Variants in RGS22 observed in about 807,000 individuals in gnomAD.
RGS22 encodes regulator of G protein signaling 22, also known as regulator of G-protein signaling 22.
A neutral mutation model predicts 172.9 loss-of-function variants in RGS22; 148 were observed. The observed-to-expected ratio is 0.86, with a 90% CI of 0.75 to 0.98. The LOEUF is 0.98. RGS22 is among the 50% of genes least tolerant of loss of function. RGS22 has a pLI of 0.00. For synonymous variants in RGS22, 458 were observed against 480.2 expected, an observed-to-expected ratio of 0.95 and a Z score of 0.60; for missense variants, 1,347 against 1,440.8, an observed-to-expected ratio of 0.93 and a Z score of 1.05.
At position 100,004,056 on chromosome 8, in the gene RGS22, T is replaced by C. The variant is rs1399521780; in HGVS notation, c.2497A>G (p.Asn833Asp). Residue 833 changes from asparagine to aspartate, a missense_variant, in exon 17 of 28, where the codon AAC becomes GAC. Transcript: ENST00000360863. ...EIGTGILSLS[N>D]VSKRTEYWDN... Reference sequence around the variant, plus strand: ...CAATATTCTGTTCGTTTAGAGACGTTAGAGAGTGATAAAATGCCAGTTCCA... The same window carrying C: ...CAATATTCTGTTCGTTTAGAGACGTCAGAGAGTGATAAAATGCCAGTTCCA... 3.7e-6 allele frequency: 6 copies of C among 1,606,200 alleles called. No homozygotes were observed. The highest frequency in any genetic ancestry group is 1.3e-5 in the African/African-American group (1 of 74,676).
At position 100,006,045 on chromosome 8, in the gene RGS22, T is replaced by C. The variant is rs1316931630; in HGVS notation, c.2426A>G (p.His809Arg). ...STYFRKLQAL[H>R]KETFSKKAED... ...AGCTTTCTTGGAAAATGTCTCTTTA[T>C]GCAAAGCCTGTAGCTTTCTGAAGTA... Residue 809 changes from histidine to arginine, a missense_variant, in exon 16 of 28, where the codon CAT (histidine) becomes CGT (arginine). Transcript: ENST00000360863. 6.2e-7 allele frequency: 1 copy of C among 1,613,368 alleles called. No homozygotes were observed. Among genetic ancestry groups the C allele is most frequent in the African/African-American group, 1.3e-5 (1 of 74,910 alleles).
intron 14 of RGS22, among the ~76,000 whole-genome samples, chr8:100,023,287 T>C (rs925897647): frequency 2.6e-5 from 4 of 152,204 alleles, no homozygotes; most frequent in African/African-American, 9.7e-5. Context: ...CATCAAAATC[T>C]TTCAGGCTGA....
chr8:99,985,886 A>G (rs1813040973), intron 21 of RGS22, among the ~76,000 whole-genome samples: 1 of 152,166 alleles, frequency 6.6e-6, no homozygotes, highest in Admixed American at 6.6e-5. Flanking sequence ...TATTCATATT[A>G]GCTTAAAGAT....
At chr8:100,070,726 C>T (rs112085777) in intron 6 of RGS22, among the ~76,000 whole-genome samples, 6 of 150,390 alleles carry the variant, frequency 4.0e-5, no homozygotes, top group East Asian at 2.0e-4. Flanking sequence ...CATAAATCTA[C>T]AAGAATTATT....
chr8:100,054,977 C>T (rs1822096121), intron 9 of RGS22, among the ~76,000 whole-genome samples: 1 of 152,174 alleles, frequency 6.6e-6, no homozygotes, highest in Non-Finnish European at 1.5e-5. Context: ...AGTGTCAGCT[C>T]AGCCACAGTA....
intron 9 of RGS22, among the ~76,000 whole-genome samples, chr8:100,055,134 T>C (rs1822112160): frequency 6.6e-6 from 1 of 152,176 alleles, no homozygotes; most frequent in Non-Finnish European, 1.5e-5. Context: ...CTGCTAATTG[T>C]AGAGCCCAGG....
At chr8:100,089,541 G>A (rs1390395601) in intron 3 of RGS22, among the ~76,000 whole-genome samples, 1 of 152,018 alleles carries the variant, frequency 6.6e-6, no homozygotes, top group Non-Finnish European at 1.5e-5. Context: ...ATTTGACATG[G>A]TTTCCAGAGT....
chr8:100,035,434 C>T (rs1209508168), intron 14 of RGS22, among the ~76,000 whole-genome samples: 1 of 152,120 alleles, frequency 6.6e-6, no homozygotes, highest in Non-Finnish European at 1.5e-5. Flanking sequence ...GTTAGAATGG[C>T]GTTCATTAAA....
intron 10 of RGS22, chr8:100,050,735 T>G (rs1821190902): frequency 6.6e-6 from 1 of 152,184 alleles, no homozygotes; most frequent in Non-Finnish European, 1.5e-5. Flanking sequence ...ACTTTTCTTC[T>G]CTTTTTGAAC....
chr8:99,977,270 A>ATTTCT (rs1428079850), intron 23 of RGS22, among the ~76,000 whole-genome samples: 13 of 120,384 alleles, frequency 1.1e-4, no homozygotes, highest in Non-Finnish European at 2.2e-4. Context: ...CGCCCGGTTA[A>ATTTCT]TTTTTTTTTT....
chr8:100,049,458 A>C (rs1459652086), intron 10 of RGS22, among the ~76,000 whole-genome samples: 1 of 152,150 alleles, frequency 6.6e-6, no homozygotes, highest in Non-Finnish European at 1.5e-5. Flanking sequence ...TCAAATGAAA[A>C]CAACAGATGA....
chr8:99,995,195 C>G lies in RGS22; in HGVS notation c.3018+1267G>C, dbSNP rs1814224181. On this transcript the variant is annotated intron_variant, in intron 20 of 27. Transcript: ENST00000360863. ...AAAACCTAGGCAATACCATTCAGGACATAGGCATGGGCAAGGACTTCATGA... is the reference window on the plus strand; with the variant it reads ...AAAACCTAGGCAATACCATTCAGGAGATAGGCATGGGCAAGGACTTCATGA... Among the ~76,000 whole-genome samples, 20 of 152,298 alleles carry G rather than the reference C, an allele frequency of 1.3e-4. No individual in the cohort carries two copies. In the South Asian group the frequency reaches 4.1e-3, roughly 32 times the overall value.
At chr8:99,962,152 T>C (rs1242037095) in intron 27 of RGS22, among the ~76,000 whole-genome samples, 1 of 152,120 alleles carries the variant, frequency 6.6e-6, no homozygotes, top group Non-Finnish European at 1.5e-5. Context: ...CTTCCATACA[T>C]GTTCTTTGCA....
intron 14 of RGS22, among the ~76,000 whole-genome samples, chr8:100,025,109 C>G (rs1405219460): frequency 6.6e-6 from 1 of 152,060 alleles, no homozygotes; most frequent in African/African-American, 2.4e-5. Flanking sequence ...CTATGCATAA[C>G]TGGGGTAAAC....
At chr8:99,968,197 A>T in intron 23 of RGS22, among the ~76,000 whole-genome samples, 1 of 152,184 alleles carries the variant, frequency 6.6e-6, no homozygotes, top group Non-Finnish European at 1.5e-5. Context: ...ATCAACAAAA[A>T]GGGCACCCAC....
chr8:100,100,757 T>C (rs1563735159), intron 2 of RGS22, among the ~76,000 whole-genome samples: 1 of 152,152 alleles, frequency 6.6e-6, no homozygotes, highest in Non-Finnish European at 1.5e-5. Context: ...AATAACAAAA[T>C]AGAAATTTGA....
intron 14 of RGS22, among the ~76,000 whole-genome samples, chr8:100,029,179 T>G (rs1479543831): frequency 1.3e-5 from 2 of 152,118 alleles, no homozygotes; most frequent in Non-Finnish European, 2.9e-5. Flanking sequence ...ATGTGAACAC[T>G]GAAGCTGATC....
intron 14 of RGS22, among the ~76,000 whole-genome samples, chr8:100,022,350 C>T (rs948766303): frequency 6.6e-6 from 1 of 152,070 alleles, no homozygotes; most frequent in African/African-American, 2.4e-5. Context: ...TAGGATAAAA[C>T]AGTAAAACAA....
chr8:100,049,472 G>T lies in RGS22; in HGVS notation c.1690-1876C>A, dbSNP rs376023428. Among the ~76,000 whole-genome samples the T allele has an allele frequency of 1.6e-4, 24 of 152,194 alleles. 1 individual carries two copies. In the East Asian group the frequency reaches 4.1e-3, roughly 26 times the overall value. The stretch of plus-strand genomic sequence containing the variant: ...GTCAAATGAAAACAACAGATGAGAA[G>T]TCAGGTTTATACCACTTTTTCACAC... On this transcript the variant is annotated intron_variant, in intron 10 of 27. Transcript: ENST00000360863.
Sources: gnomAD v4.1 joint callset for allele counts (sites outside exome capture counted in the v4.1 genomes callset) on GRCh38, gnomAD v4.1.1 for gene constraint, MANE v1.5 for transcripts, NCBI Gene and HGNC (gene_info 2026-07-23, HGNC 2026-07-21) for gene names.